Variants in ABCF1 observed in about 807,000 individuals in gnomAD.
The protein encoded by ABCF1 is ATP binding cassette subfamily F member 1, also known as ATP-binding cassette sub-family F member 1.
A neutral mutation model predicts 126.3 loss-of-function variants in ABCF1; 73 were observed. The observed-to-expected ratio is 0.58, with a 90% confidence interval of 0.48 to 0.70. ABCF1 has a LOEUF of 0.70. Among genes scored for constraint, ABCF1 ranks in the 30% least tolerant of loss-of-function variants. ABCF1 has a pLI of 0.00. For missense variants in ABCF1, 786 were observed against 1,057.5 expected (o/e 0.74, Z 3.56); for synonymous variants, 345 against 396.4 (o/e 0.87, Z 1.54).
intron 8 of ABCF1, among the ~76,000 whole-genome samples, chr6:30,581,398 C>CTTTTTTTTTTTTTT (rs71552010): frequency 1.2e-5 from 1 of 84,870 alleles, no homozygotes; most frequent in Admixed American, 1.5e-4. Flanking sequence ...GCTTCCTGAT[C>CTTTTTTTTTTTTTT]TTTTTTTTTT....
chr6:30,580,426 T>G lies in ABCF1; in HGVS notation c.585T>G (p.Ala195=). The change falls in exon 8 of 25, where the codon GCT becomes GCG. Residue 195 remains alanine (A), a synonymous_variant. Transcript: ENST00000326195. ...ATTAGCCTCAAAATAAATTCGCTGC[T>G]CTGGACAATGAAGAGGAGGATAAAG... ...GKAKPQNKFA[A]LDNEEEDKEE... 1 of 1,539,544 alleles carries G rather than the reference T, an allele frequency of 6.5e-7. No individual in the cohort carries two copies. The highest frequency in any genetic ancestry group is 8.6e-7 in the Non-Finnish European group (1 of 1,156,098).
chr6:30,585,433 G>A, intron 15 of ABCF1, 90 bp downstream of exon 15: 1 of 1,570,704 alleles, frequency 6.4e-7, no homozygotes, highest in Non-Finnish European at 8.8e-7. Flanking sequence ...CTTCTCCACT[G>A]TGCCTGTGAG....
In ABCF1 at chr6:30,585,261, G is replaced by A. The variant is rs1802050523; in HGVS notation, c.1393G>A (p.Ala465Thr). ...GWRMRVSLAR[A>T]LFMEPTLLML... ...TGCCCTCTGCTACCCACCCTCTAGG[G>A]CACTGTTCATGGAGCCCACACTGCT... is the stretch of plus-strand genomic sequence containing the variant. The change falls in exon 15 of 25, where the codon GCA becomes ACA. Residue 465 changes from alanine (A) to threonine (T), a missense_variant and splice_region_variant. By Grantham distance (58) the Ala-to-Thr change is moderately conservative. Around this residue, in one of 4 missense-constraint regions of ABCF1, gnomAD observed 163 missense variants for 255.3 expected, o/e 0.64. Transcript: ENST00000326195. 1 of 1,613,010 alleles carries A rather than the reference G, an allele frequency of 6.2e-7. No individual in the cohort carries two copies. The highest frequency in any genetic ancestry group is 1.3e-5 in the African/African-American group (1 of 74,856).
chr6:30,579,260 T>G (rs921464350), intron 6 of ABCF1, among the ~76,000 whole-genome samples: 8 of 152,096 alleles, frequency 5.3e-5, no homozygotes, highest in African/African-American at 1.9e-4. Flanking sequence ...CTCTTCGCTA[T>G]CTAGTCTGAA....
At chr6:30,573,940 A>C (rs1801374555) in intron 1 of ABCF1, among the ~76,000 whole-genome samples, 1 of 152,212 alleles carries the variant, frequency 6.6e-6, no homozygotes, top group East Asian at 1.9e-4. Flanking sequence ...TATAAGGGTA[A>C]AGAAGGCTTG....
chr6:30,573,568 A>G (rs1280004135), intron 1 of ABCF1, among the ~76,000 whole-genome samples: 4 of 152,218 alleles, frequency 2.6e-5, no homozygotes, highest in African/African-American at 9.6e-5. Flanking sequence ...TGCAGGAAGC[A>G]GGTGGGGAAG....
At chr6:30,578,227 T>C (rs771551288) in intron 4 of ABCF1, 25 bp downstream of exon 4, 1 of 1,613,614 alleles carries the variant, frequency 6.2e-7, no homozygotes, top group South Asian at 1.1e-5. Context: ...GGGGAATGGG[T>C]ACCTGGAATC....
At position 30,584,266 on chromosome 6, in the gene ABCF1, G is replaced by A. The variant is rs1334818037; in HGVS notation, c.1177G>A (p.Glu393Lys). The A allele has an allele frequency of 6.2e-7, 1 of 1,613,034 alleles. No homozygotes were observed. The change falls in exon 13 of 25, where the codon GAG (glutamate) becomes AAG (lysine). Residue 393 changes from glutamate (E) to lysine (K), a missense_variant. Coordinates refer to ENST00000326195, the MANE Select transcript of ABCF1 (RefSeq NM_001025091.2). The surrounding 1 kb of genome is among the most constrained non-coding windows in gnomAD (Gnocchi z 4.6). ...CACCAAGCGATTGAAGCTGCTGGAA[G>A]AGGAGCGGCGGCTTCAGGGACAGCT... ...ADTKRLKLLE[E>K]ERRLQGQLEQ...
rs1801918455 is a variant in ABCF1 at position 30,583,163 on chromosome 6, T to C, written c.890T>C (p.Met297Thr). ...SQAEMSSRQA[M>T]LENASDIKLE... ...GCGGAGATGTCCTCCCGCCAAGCCATGTTAGAAAATGCATCTGACATCAAG... is the reference window on the plus strand; with the variant it reads ...GCGGAGATGTCCTCCCGCCAAGCCACGTTAGAAAATGCATCTGACATCAAG... The change falls in exon 10 of 25, where the codon ATG becomes ACG. Residue 297 changes from methionine to threonine, a missense_variant. By Grantham distance (81) the Met-to-Thr change is moderately conservative (BLOSUM62 -1). This residue lies in a region of ABCF1 where 163 missense variants were observed against 255.3 expected (regional missense o/e 0.64). Coordinates refer to ENST00000326195, the MANE Select transcript of ABCF1 (RefSeq NM_001025091.2). The surrounding 1 kb of genome is among the most constrained non-coding windows in gnomAD (Gnocchi z 4.1). The C allele has an allele frequency of 1.2e-6, 2 of 1,609,138 alleles. No homozygotes were observed. Among genetic ancestry groups the C allele is most frequent in the Non-Finnish European group, 1.7e-6 (2 of 1,176,682 alleles).
chr6:30,586,027 T>C lies in ABCF1; in HGVS notation c.1713+36T>C. On this transcript the variant is annotated intron_variant, in intron 17 of 24. Transcript: ENST00000326195. The surrounding 1 kb of genome is among the most constrained non-coding windows in gnomAD (Gnocchi z 4.9). ...GAGGGACTTCTGGGCTGGGGGCCAC[T>C]GTTCTCTCCTGGCAGTGGAGGAAGA... The C allele has an allele frequency of 1.3e-6, 2 of 1,594,472 alleles. No individual in the cohort carries two copies. The highest frequency in any genetic ancestry group is 1.7e-6 in the Non-Finnish European group (2 of 1,170,106).
In ABCF1 at chr6:30,571,460, C is replaced by T; in HGVS notation, c.-28C>T. The T allele has an allele frequency of 6.3e-7, 1 of 1,598,864 alleles. No homozygotes were observed. The highest frequency in any genetic ancestry group is 8.5e-7 in the Non-Finnish European group (1 of 1,173,392). On this transcript the variant is annotated 5_prime_UTR_variant, in exon 1 of 25. Coordinates refer to ENST00000326195, the MANE Select transcript of ABCF1 (RefSeq NM_001025091.2). The stretch of plus-strand genomic sequence containing the variant: ...CGGAAGCGGAAATAGCACCGGGCGC[C>T]GCCACAGTAGCTGTAACTGCCACCG...
rs997682265 is a variant in ABCF1, at chr6:30,584,040, G to T, written c.1102+150G>T. On this transcript the variant is annotated intron_variant, in intron 12 of 24. Transcript: ENST00000326195. The surrounding 1 kb of genome is among the most constrained non-coding windows in gnomAD (Gnocchi z 4.6). ...GGGAAAGGGATGCTAAGGAAAGGAG[G>T]GGAGGGTCAATGAGGAACTTGAGAG... is the stretch of plus-strand genomic sequence containing the variant. The T allele has an allele frequency of 3.6e-6, 5 of 1,393,614 alleles. No homozygotes were observed. The highest frequency in any genetic ancestry group is 4.9e-6 in the Non-Finnish European group (5 of 1,017,816). 86.3% of individuals were successfully genotyped at this position (1,393,614 alleles called of 1,614,324 possible). A position where few individuals can be genotyped will look rare whatever the true frequency, so the allele number is the denominator to read the frequency against.
In ABCF1 at chr6:30,574,014, T is replaced by C. The variant is rs1801377753; in HGVS notation, c.73+2454T>C. Among the ~76,000 whole-genome samples the C allele has an allele frequency of 6.6e-6, 1 of 152,186 alleles. No homozygotes were observed. Among genetic ancestry groups the C allele is most frequent in the African/African-American group, 2.4e-5 (1 of 41,450 alleles). Reference sequence around the variant, plus strand: ...AAGGAGAGAAGACACAGTATATCTCTAGCCACACTTAATCTTTTTCAGTTC... The same window carrying C: ...AAGGAGAGAAGACACAGTATATCTCCAGCCACACTTAATCTTTTTCAGTTC... On this transcript the variant is annotated intron_variant, in intron 1 of 24. Coordinates refer to ENST00000326195, the MANE Select transcript of ABCF1 (RefSeq NM_001025091.2). The surrounding 1 kb of genome is among the most constrained non-coding windows in gnomAD (Gnocchi z 4.3).
rs752843350 is a variant in ABCF1, at chr6:30,582,424, G to A, written c.709G>A (p.Glu237Lys). 5.6e-6 allele frequency: 9 copies of A among 1,611,006 alleles called. No individual in the cohort carries two copies. Among genetic ancestry groups the A allele is most frequent in the Non-Finnish European group, 7.6e-6 (9 of 1,178,300 alleles). The change falls in exon 9 of 25, where the codon GAG becomes AAG. Residue 237 changes from glutamate (E) to lysine (K), a missense_variant. Around this residue, in one of 4 missense-constraint regions of ABCF1, gnomAD observed 322 missense variants for 322.9 expected, o/e 1.00. Transcript: ENST00000326195. The stretch of plus-strand genomic sequence containing the variant: ...AGAGGAAGAAGGAGAAGGGGAAGAA[G>A]AGGAGGAGGAAGGAGGAGAGTCTAA... ...GSEEEGEGEEEEEEGGESKAD... is the reference protein window; with the variant it reads ...GSEEEGEGEEKEEEGGESKAD...
At position 30,584,199 on chromosome 6, in the gene ABCF1, A is replaced by G. The variant is rs1801984501; in HGVS notation, c.1110A>G (p.Val370=). The G allele has an allele frequency of 1.9e-6, 3 of 1,611,948 alleles. No homozygotes were observed. Among genetic ancestry groups the G allele is most frequent in the Non-Finnish European group, 2.5e-6 (3 of 1,179,644 alleles). The change falls in exon 13 of 25, where the codon GTA becomes GTG. Residue 370 remains valine, a synonymous_variant. Coordinates refer to ENST00000326195, the MANE Select transcript of ABCF1 (RefSeq NM_001025091.2). This position sits in a 1 kb window ranked among gnomAD's most constrained non-coding sequence, Gnocchi z 4.6. ...IDVLLCEQEV[V]ADETPAVQAV... is the part of the protein sequence containing the mutation. Reference sequence around the variant, plus strand: ...TCTCCCTCTGCCTCCCAGAGGTGGTAGCAGATGAGACACCAGCAGTCCAGG... The same window carrying G: ...TCTCCCTCTGCCTCCCAGAGGTGGTGGCAGATGAGACACCAGCAGTCCAGG...
intron 1 of ABCF1, among the ~76,000 whole-genome samples, chr6:30,576,156 T>C (rs1237079731): frequency 2.0e-5 from 3 of 151,458 alleles, no homozygotes; most frequent in African/African-American, 7.3e-5. Context: ...AAATTGAATT[T>C]ATAATATCTT....
rs548221786 is a variant in ABCF1 at position 30,574,139 on chromosome 6, G to C, written c.73+2579G>C. ...GATTAAAGTACAAAAGATTTTTTTG[G>C]TTTTGGTGGGTTTTTTTTTTTTGTG... On this transcript the variant is annotated intron_variant, in intron 1 of 24. Coordinates refer to ENST00000326195, the MANE Select transcript of ABCF1 (RefSeq NM_001025091.2). The surrounding 1 kb of genome is among the most constrained non-coding windows in gnomAD (Gnocchi z 4.3). 6.7e-6 allele frequency among the ~76,000 whole-genome samples: 1 copy of C among 150,264 alleles called. No homozygotes were observed. The highest frequency in any genetic ancestry group is 2.4e-5 in the African/African-American group (1 of 41,100).
At chr6:30,579,201 G>C (rs1801674090) in intron 6 of ABCF1, among the ~76,000 whole-genome samples, 1 of 152,024 alleles carries the variant, frequency 6.6e-6, no homozygotes, top group Non-Finnish European at 1.5e-5. Flanking sequence ...CTCTGGTGGC[G>C]CACTTGCCTG....
intron 20 of ABCF1, among the ~76,000 whole-genome samples, chr6:30,588,838 C>G (rs1196049579): frequency 6.6e-6 from 1 of 152,088 alleles, no homozygotes; most frequent in Non-Finnish European, 1.5e-5. Context: ...ACATGAGGCC[C>G]TTACGATGTA....
Sources: gnomAD v4.1 joint callset for allele counts (sites outside exome capture counted in the v4.1 genomes callset) on GRCh38, gnomAD v4.1.1 for gene constraint, gnomAD v4.1.1 regional missense constraint, Gnocchi (gnomAD v3.1) non-coding constraint, MANE v1.5 for transcripts, NCBI Gene and HGNC (gene_info 2026-07-23, HGNC 2026-07-21) for gene names.